HEATR4: variants seen among roughly 807,000 people sequenced by gnomAD.
HEATR4 encodes HEAT repeat-containing protein 4.
A neutral mutation model predicts 108.8 loss-of-function variants in HEATR4; 95 were observed. That is an observed-to-expected ratio of 0.87 (90% CI 0.74 to 1.04). HEATR4 has a LOEUF of 1.04. Among genes scored for constraint, HEATR4 ranks in the 50% least tolerant of loss-of-function variants. The pLI is 0.00. For synonymous variants in HEATR4, 443 were observed against 459.4 expected, an observed-to-expected ratio of 0.96 and a Z score of 0.46; for missense variants, 1,152 against 1,253.8, an observed-to-expected ratio of 0.92 and a Z score of 1.23.
chr14:73,630,610 G>A, the HEATR4 span, among the ~76,000 whole-genome samples: 1 of 152,164 alleles, frequency 6.6e-6, no homozygotes, highest in Non-Finnish European at 1.5e-5. Flanking sequence ...TGGGTGTGGG[G>A]CATGCCGGTC....
chr14:73,587,872 A>G, the HEATR4 span, among the ~76,000 whole-genome samples: 1 of 152,188 alleles, frequency 6.6e-6, no homozygotes, highest in Non-Finnish European at 1.5e-5. Flanking sequence ...TTTCCAACAC[A>G]TATTTTATGT....
chr14:73,607,665 C>T, the HEATR4 span, among the ~76,000 whole-genome samples: 3 of 151,994 alleles, frequency 2.0e-5, no homozygotes, highest in Non-Finnish European at 4.4e-5. Flanking sequence ...CTCTTGTCAC[C>T]CAGGCTGGAG....
intron 5 of HEATR4, among the ~76,000 whole-genome samples, chr14:73,515,694 AAAAAG>A (rs1887560636): frequency 7.2e-6 from 1 of 139,420 alleles, no homozygotes; most frequent in Non-Finnish European, 1.5e-5. Context: ...AAAAAAAAAA[AAAAAG>A]AGTCCTGTGA....
At chr14:73,491,000 G>A in intron 17 of HEATR4, 1 of 1,377,908 alleles carries the variant, frequency 7.3e-7, no homozygotes, top group South Asian at 1.8e-5. Context: ...GGGCGGGGAA[G>A]ACTGGTGTGG....
Position 73,524,310 on chromosome 14 carries a change from A to AATATATATATAT in HEATR4, c.-72-1098_-72-1087dup, listed in dbSNP as rs58047390. On this transcript the variant is annotated intron_variant, in intron 2 of 17. Coordinates refer to ENST00000553558, the MANE Select transcript of HEATR4 (RefSeq NM_001220484.1). ...CTCCGTCTCAAAAAAAAAAAAAAAA[A>AATATATATATAT]ATATATATATATATATATATATATA... is the stretch of plus-strand genomic sequence containing the variant. Among the ~76,000 whole-genome samples the AATATATATATAT allele has an allele frequency of 1.0e-3, 56 of 54,754 alleles. 1 individual carries two copies. Among genetic ancestry groups the AATATATATATAT allele is most frequent in the African/African-American group, 3.2e-3 (36 of 11,332 alleles). 35.9% of individuals were successfully genotyped at this position (54,754 alleles called of 152,430 possible).
chr14:73,576,948 TGA>T, the HEATR4 span, among the ~76,000 whole-genome samples: 1 of 137,822 alleles, frequency 7.3e-6, no homozygotes, highest in South Asian at 2.3e-4. Context: ...TTTTTTTTTT[TGA>T]GAGAGGGTCT....
At chr14:73,600,045 A>G in the HEATR4 span, among the ~76,000 whole-genome samples, 4 of 152,160 alleles carry the variant, frequency 2.6e-5, no homozygotes, top group Admixed American at 2.6e-4. Flanking sequence ...CTTCTTCTCA[A>G]TCTGAACGGC....
At chr14:73,583,764 C>T in the HEATR4 span, among the ~76,000 whole-genome samples, 2 of 151,994 alleles carry the variant, frequency 1.3e-5, no homozygotes, top group African/African-American at 4.8e-5. Context: ...CTTTGGGAGG[C>T]TGAGGTGGAT....
chr14:73,564,338 G>C, the HEATR4 span, among the ~76,000 whole-genome samples: 1 of 151,254 alleles, frequency 6.6e-6, no homozygotes, highest in Non-Finnish European at 1.5e-5. Context: ...GGCCCAGTGT[G>C]GTGGCTCTTG....
At chr14:73,585,129 G>A in the HEATR4 span, among the ~76,000 whole-genome samples, 3 of 151,904 alleles carry the variant, frequency 2.0e-5, no homozygotes, top group East Asian at 1.9e-4. Flanking sequence ...GCCTTATCCC[G>A]GGTTTCTTAC....
At chr14:73,577,083 C>T in the HEATR4 span, among the ~76,000 whole-genome samples, 170 of 151,178 alleles carry the variant, frequency 1.1e-3, 1 homozygote, top group African/African-American at 3.8e-3. Context: ...CAGGCACACA[C>T]CACCATGCCT....
At chr14:73,525,206 T>C (rs1001593673) in intron 2 of HEATR4, among the ~76,000 whole-genome samples, 1 of 152,106 alleles carries the variant, frequency 6.6e-6, no homozygotes, top group East Asian at 1.9e-4. Context: ...TATCTGTTTT[T>C]TATTTTTAAT....
At chr14:73,576,815 A>AG in the HEATR4 span, among the ~76,000 whole-genome samples, 5 of 146,496 alleles carry the variant, frequency 3.4e-5, no homozygotes, top group East Asian at 5.9e-4. Context: ...AAAAAAAAAA[A>AG]AAAAAGACAA....
chr14:73,564,167 A>C, the HEATR4 span, among the ~76,000 whole-genome samples: 1 of 151,740 alleles, frequency 6.6e-6, no homozygotes, highest in East Asian at 1.9e-4. Context: ...CCGTGGTGGC[A>C]TGTGACTGTA....
chr14:73,491,433 CGG>C lies in HEATR4; in HGVS notation c.2844+1631_2844+1632del, dbSNP rs1346503505. ...CGCCTGGTGGAGGTGCCCGCCGCGC[CGG>C]TCCGGGTGGTGGAGACCTCGGCCCT... On this transcript the variant is annotated intron_variant, in intron 17 of 17. Transcript: ENST00000553558. 9 of 1,354,778 alleles carry C rather than the reference CGG, an allele frequency of 6.6e-6. No individual in the cohort carries two copies. The East Asian group carries it at 1.8e-4, about 28-fold the overall frequency. 83.9% of individuals were successfully genotyped at this position (1,354,778 alleles called of 1,614,324 possible).
the HEATR4 span, among the ~76,000 whole-genome samples, chr14:73,565,255 C>T: frequency 1.3e-5 from 2 of 152,076 alleles, no homozygotes; most frequent in Non-Finnish European, 2.9e-5. Flanking sequence ...CCAGTTTATA[C>T]ATTCATCAAT....
the HEATR4 span, chr14:73,573,501 T>A: frequency 6.2e-7 from 1 of 1,613,758 alleles, no homozygotes; most frequent in Non-Finnish European, 8.5e-7. Context: ...TCTGGCTTAT[T>A]ATAACTATGA....
rs200851283 is a variant in HEATR4 at position 73,522,733 on chromosome 14, G to A, written c.420C>T (p.Ser140=). Residue 140 remains serine, a synonymous_variant, in exon 3 of 18, where the codon AGC becomes AGT. Coordinates refer to ENST00000553558, the MANE Select transcript of HEATR4 (RefSeq NM_001220484.1). ...TCAGCTTCTTTTCGGGATTGGCAGA[G>A]CTTTCTGTCTTCACAGCCAGGGAGG... The part of the protein sequence containing the change: ...GDTSLAVKTE[S]SANPEKKLKK... The A allele has an allele frequency of 6.2e-7, 1 of 1,614,222 alleles. No homozygotes were observed. Among genetic ancestry groups the A allele is most frequent in the Admixed American group, 1.7e-5 (1 of 60,022 alleles).
chr14:73,613,138 A>G, the HEATR4 span: 1 of 491,084 alleles, frequency 2.0e-6, no homozygotes, highest in Non-Finnish European at 3.5e-6. Context: ...CCTTCGCTCC[A>G]GAGTCTGTCA....
Sources: allele counts gnomAD v4.1 joint callset (sites outside exome capture counted in the v4.1 genomes callset), GRCh38; gene constraint gnomAD v4.1.1; transcripts MANE v1.5; gene names NCBI Gene and HGNC (gene_info 2026-07-23, HGNC 2026-07-21).